Variants in NLGN4X observed in about 807,000 individuals in gnomAD.
The protein encoded by NLGN4X is neuroligin-4, X-linked.
In NLGN4X, 3 loss-of-function variants were observed where a neutral mutation model predicts 40.3. The observed-to-expected ratio is 0.07, with a 90% CI of 0.03 to 0.19. The LOEUF (loss-of-function observed/expected upper bound fraction) is 0.19, where lower values mean the gene tolerates loss of function less well. Among genes scored for constraint, NLGN4X ranks in the 10% least tolerant of loss-of-function variants. NLGN4X has a pLI of 1.00. For synonymous variants in NLGN4X, 270 were observed against 306.8 expected, an observed-to-expected ratio of 0.88 and a Z score of 1.25; for missense variants, 382 against 708.3, an observed-to-expected ratio of 0.54 and a Z score of 5.23.
chrX:6,216,597 T>C (rs750654553), intron 1 of NLGN4X, among the ~76,000 whole-genome samples: 57 of 112,560 alleles, frequency 5.1e-4, no homozygotes, highest in Non-Finnish European at 9.0e-4. Flanking sequence ...AACAGTATTT[T>C]TGTGGAGTCA....
chrX:6,029,647 TACAG>T (rs1370771005), intron 2 of NLGN4X, among the ~76,000 whole-genome samples: 1 of 107,902 alleles, frequency 9.3e-6, no homozygotes, highest in Non-Finnish European at 1.9e-5. Context: ...TTAAGAAGCA[TACAG>T]ACATTTAGCG....
At chrX:6,161,509 T>C (rs1448459094) in intron 1 of NLGN4X, among the ~76,000 whole-genome samples, 1 of 103,747 alleles carries the variant, frequency 9.6e-6, no homozygotes. Flanking sequence ...TAGAATAATA[T>C]AAAACATTCA....
intron 3 of NLGN4X, among the ~76,000 whole-genome samples, chrX:6,020,392 T>G (rs1474731406): frequency 5.4e-5 from 6 of 111,458 alleles, no homozygotes; most frequent in African/African-American, 1.6e-4. Flanking sequence ...ATGTGGAATC[T>G]AAAAAAAAGT....
At chrX:5,954,917 A>G (rs2034443938) in intron 3 of NLGN4X, among the ~76,000 whole-genome samples, 1 of 111,381 alleles carries the variant, frequency 9.0e-6, no homozygotes, top group African/African-American at 3.3e-5. Context: ...ACTGTTGATC[A>G]CCATAGTTAT....
chrX:6,224,464 C>T (rs1925980479), intron 1 of NLGN4X, among the ~76,000 whole-genome samples: 2 of 111,880 alleles, frequency 1.8e-5, no homozygotes, highest in African/African-American at 3.2e-5. Context: ...AAGCTTTCCA[C>T]AAATTACTAC....
At chrX:6,134,861 C>G (rs1340497464) in intron 2 of NLGN4X, among the ~76,000 whole-genome samples, 1 of 112,547 alleles carries the variant, frequency 8.9e-6, no homozygotes, top group East Asian at 2.8e-4. Context: ...ACCTCCTTTG[C>G]TTTTTGAAGA....
At chrX:6,032,475 T>C (rs371813478) in intron 2 of NLGN4X, among the ~76,000 whole-genome samples, 32 of 109,974 alleles carry the variant, frequency 2.9e-4, no homozygotes, top group East Asian at 1.4e-3. Context: ...GAAACAATGT[T>C]TATACTTCTC....
intron 1 of NLGN4X, among the ~76,000 whole-genome samples, chrX:6,172,924 G>A (rs1195115049): frequency 8.9e-6 from 1 of 112,436 alleles, no homozygotes; most frequent in Non-Finnish European, 1.9e-5. Flanking sequence ...AACTTGGAAG[G>A]AAGAACAAGA....
intron 2 of NLGN4X, among the ~76,000 whole-genome samples, chrX:6,091,957 CTCCT>C (rs2038651473): frequency 9.4e-6 from 1 of 106,268 alleles, no homozygotes; most frequent in South Asian, 4.2e-4. Flanking sequence ...TCTTTTTTTA[CTCCT>C]TCCTTCTCTC....
chrX:6,214,167 G>A (rs927194883), intron 1 of NLGN4X, among the ~76,000 whole-genome samples: 1 of 111,982 alleles, frequency 8.9e-6, no homozygotes, highest in African/African-American at 3.2e-5. Context: ...ATGAATGTCA[G>A]GAGTGGAGTG....
chrX:6,183,274 A>T (rs57853642), intron 1 of NLGN4X, among the ~76,000 whole-genome samples: 3,235 of 112,466 alleles, frequency 0.029, 124 homozygotes, highest in African/African-American at 0.097. Context: ...CTGGCCGGGC[A>T]CGGTGGCTCA....
intron 3 of NLGN4X, among the ~76,000 whole-genome samples, chrX:5,994,661 G>A (rs187972460): frequency 8.8e-4 from 99 of 111,916 alleles, no homozygotes; most frequent in African/African-American, 3.1e-3. Flanking sequence ...GGACCATAAC[G>A]ATATCGCTTA....
intron 3 of NLGN4X, among the ~76,000 whole-genome samples, chrX:5,924,175 G>A (rs939246698): frequency 7.2e-5 from 8 of 111,416 alleles, no homozygotes; most frequent in African/African-American, 1.3e-4. Context: ...TCTGGTCAGC[G>A]AAGATGTATC....
At position 5,892,209 on chromosome X, in the gene NLGN4X, G is replaced by T. The variant is rs2031212184; in HGVS notation, c.*608C>A. The T allele has an allele frequency of 8.3e-6, 1 of 119,780 alleles. No individual in the cohort carries two copies. The highest frequency in any genetic ancestry group is 3.0e-4 in the South Asian group (1 of 3,314). 9.9% of individuals were successfully genotyped at this position (119,780 alleles called of 1,213,427 possible). A position where few individuals can be genotyped will look rare whatever the true frequency, so the allele number is the denominator to read the frequency against. On this transcript the variant is annotated 3_prime_UTR_variant, in exon 6 of 6. Coordinates refer to ENST00000381095, the MANE Select transcript of NLGN4X (RefSeq NM_181332.3). The stretch of plus-strand genomic sequence containing the variant: ...TATATACATTTTTCTTTTTTACAAA[G>T]TCTCTTAAATATAGTTCAGGCTGGC...
chrX:6,222,647 T>C (rs960800036), intron 1 of NLGN4X, among the ~76,000 whole-genome samples: 3 of 112,475 alleles, frequency 2.7e-5, no homozygotes, highest in Non-Finnish European at 3.8e-5. Context: ...TTTTCCTGTC[T>C]CAAATAAATT....
intron 3 of NLGN4X, among the ~76,000 whole-genome samples, chrX:5,926,842 T>C (rs1391177015): frequency 9.3e-6 from 1 of 108,005 alleles, no homozygotes; most frequent in African/African-American, 3.4e-5. Flanking sequence ...ATAGACTGTT[T>C]CCTAATCATT....
intron 5 of NLGN4X, among the ~76,000 whole-genome samples, chrX:5,901,623 C>T (rs1455427089): frequency 9.1e-6 from 1 of 110,193 alleles, no homozygotes; most frequent in Non-Finnish European, 1.9e-5. Flanking sequence ...ATATTTAGGC[C>T]AATAAATGAG....
rs967160788 is a variant in NLGN4X at position 5,891,966 on chromosome X, T to A, written c.*851A>T. On this transcript the variant is annotated 3_prime_UTR_variant, in exon 6 of 6. Transcript: ENST00000381095. ...CATGTAAGAAAATCCCATGTCTTTG[T>A]TTACCACAAGTAATTAAGAAGAAAA... 2 of 149,041 alleles carry A rather than the reference T, an allele frequency of 1.3e-5. No individual in the cohort carries two copies. The highest frequency in any genetic ancestry group is 6.4e-5 in the African/African-American group (2 of 31,173). The allele number at this position is 149,041 out of a possible 1,213,427, so 12.3% of individuals were successfully genotyped here.
At chrX:5,965,444 A>G (rs1296871719) in intron 3 of NLGN4X, among the ~76,000 whole-genome samples, 1 of 112,282 alleles carries the variant, frequency 8.9e-6, no homozygotes, top group African/African-American at 3.2e-5. Context: ...GAATGTGCAC[A>G]TCTTCGAGGC....
Sources: gnomAD v4.1 joint callset for allele counts (sites outside exome capture counted in the v4.1 genomes callset) on GRCh38, gnomAD v4.1.1 for gene constraint, MANE v1.5 for transcripts, NCBI Gene and HGNC (gene_info 2026-07-23, HGNC 2026-07-21) for gene names.